FBXL17: variants seen among roughly 807,000 people sequenced by gnomAD.
FBXL17 encodes F-box/LRR-repeat protein 17.
A neutral mutation model predicts 66.2 loss-of-function variants in FBXL17; 22 were observed. That is an observed-to-expected ratio of 0.33 (90% CI 0.24 to 0.47). The LOEUF is 0.47. Among genes scored for constraint, FBXL17 ranks in the 20% least tolerant of loss-of-function variants. The probability of loss-of-function intolerance (pLI) is 1.00; values close to 1 mark genes in which losing one functional copy is unlikely to be tolerated. For missense variants in FBXL17, 878 were observed against 948.2 expected (o/e 0.93, Z 0.97); for synonymous variants, 474 against 400.5 (o/e 1.18, Z -2.19).
intron 1 of FBXL17, among the ~76,000 whole-genome samples, chr5:108,378,443 C>T (rs1309390476): frequency 6.6e-6 from 1 of 152,158 alleles, no homozygotes; most frequent in Non-Finnish European, 1.5e-5. Flanking sequence ...ACCAGGAGAA[C>T]AGGGCATAAT....
At chr5:108,269,741 T>G (rs970621692) in intron 4 of FBXL17, among the ~76,000 whole-genome samples, 1 of 152,060 alleles carries the variant, frequency 6.6e-6, no homozygotes, top group African/African-American at 2.4e-5. Context: ...CATGTATTAT[T>G]TGTCTTGGAA....
intron 7 of FBXL17, among the ~76,000 whole-genome samples, chr5:107,882,237 C>G (rs10039402): frequency 0.11 from 16,335 of 152,142 alleles, 1,037 homozygotes; most frequent in South Asian, 0.2. Flanking sequence ...TGATAGTTCC[C>G]AAAATGTGTT....
chr5:108,028,715 A>G (rs1180543540), intron 6 of FBXL17, among the ~76,000 whole-genome samples: 1 of 152,138 alleles, frequency 6.6e-6, no homozygotes, highest in East Asian at 1.9e-4. Flanking sequence ...AGATGCTGAC[A>G]AAAGGTTTCC....
chr5:108,190,385 G>C (rs1753423043), intron 5 of FBXL17, among the ~76,000 whole-genome samples: 1 of 152,162 alleles, frequency 6.6e-6, no homozygotes, highest in South Asian at 2.1e-4. Context: ...GAGAGAGACA[G>C]AGAGTCTGAG....
chr5:108,381,250 C>T lies in FBXL17; in HGVS notation c.442G>A (p.Ala148Thr). The change falls in exon 1 of 9, where the codon GCG becomes ACG. Residue 148 changes from alanine to threonine, a missense_variant. Physicochemically the swap from Ala to Thr is moderately conservative, Grantham distance 58. Coordinates refer to ENST00000542267, the MANE Select transcript of FBXL17 (RefSeq NM_001163315.3). ...CCCTGCTGCTCCCAGGCGGCGGCCG[C>T]AGCCAGCCCCAACTCTTTGCAGCAG... ...ASCCKELGLA[A>T]AAAWEQQGRS... The T allele has an allele frequency of 6.9e-7, 1 of 1,442,296 alleles. No individual in the cohort carries two copies. Among genetic ancestry groups the T allele is most frequent in the Non-Finnish European group, 9.1e-7 (1 of 1,100,036 alleles). The allele number at this position is 1,442,296 out of a possible 1,614,324, so 89.3% of individuals were successfully genotyped here. A position where few individuals can be genotyped will look rare whatever the true frequency, so the allele number is the denominator to read the frequency against.
intron 4 of FBXL17, among the ~76,000 whole-genome samples, chr5:108,342,074 T>C (rs1450487846): frequency 1.3e-5 from 2 of 152,170 alleles, no homozygotes; most frequent in African/African-American, 2.4e-5. Flanking sequence ...CCTCTCACAG[T>C]GCCTGGCACA....
At chr5:107,887,952 T>C (rs1749029805) in intron 7 of FBXL17, among the ~76,000 whole-genome samples, 1 of 152,338 alleles carries the variant, frequency 6.6e-6, no homozygotes, top group African/African-American at 2.4e-5. Flanking sequence ...AGCTAATGTG[T>C]TCTGACACTT....
chr5:108,245,670 T>A (rs192824108), intron 4 of FBXL17, among the ~76,000 whole-genome samples: 1 of 152,296 alleles, frequency 6.6e-6, no homozygotes, highest in African/African-American at 2.4e-5. Flanking sequence ...ACTTAAACTC[T>A]ACAAAGAAAA....
intron 3 of FBXL17, among the ~76,000 whole-genome samples, chr5:108,364,391 T>C (rs980147145): frequency 2.0e-5 from 3 of 151,968 alleles, no homozygotes; most frequent in African/African-American, 7.2e-5. Context: ...TCATCTAGTA[T>C]AATAAAAGGG....
At chr5:108,350,048 T>C (rs907276324) in intron 3 of FBXL17, among the ~76,000 whole-genome samples, 6 of 152,194 alleles carry the variant, frequency 3.9e-5, no homozygotes, top group South Asian at 2.1e-4. Flanking sequence ...CAGATTTTTA[T>C]TGAATTCATT....
intron 1 of FBXL17, among the ~76,000 whole-genome samples, chr5:108,371,746 T>C (rs1292786410): frequency 3.3e-5 from 5 of 152,106 alleles, no homozygotes; most frequent in Non-Finnish European, 7.4e-5. Flanking sequence ...ATAAATCAAA[T>C]AAGAATTATA....
chr5:108,381,789 C>T lies in FBXL17; in HGVS notation c.-98G>A. The T allele has an allele frequency of 7.4e-7, 1 of 1,355,362 alleles. No homozygotes were observed. Among genetic ancestry groups the T allele is most frequent in the South Asian group, 1.7e-5 (1 of 58,538 alleles). The allele number at this position is 1,355,362 out of a possible 1,614,324, so 84.0% of individuals were successfully genotyped here. On this transcript the variant is annotated 5_prime_UTR_variant, in exon 1 of 9. Transcript: ENST00000542267. ...GCAGGCCGCTCGCTGGCTCGGCCCC[C>T]GGAGGGGTCGCCCTTCCTGCGCACA...
chr5:108,186,048 G>A (rs1561453306), intron 6 of FBXL17, 69 bp downstream of exon 6: 9 of 1,274,382 alleles, frequency 7.1e-6, no homozygotes, highest in Middle Eastern at 1.9e-4. Flanking sequence ...GACATGCCTT[G>A]TTATAATAAT....
intron 8 of FBXL17, among the ~76,000 whole-genome samples, chr5:107,877,526 C>A (rs1281266515): frequency 3.9e-5 from 6 of 152,102 alleles, no homozygotes; most frequent in Admixed American, 3.9e-4. Flanking sequence ...AGTATAGCCT[C>A]CAAATTAAAT....
chr5:108,118,827 G>C (rs1181243892), intron 6 of FBXL17, among the ~76,000 whole-genome samples: 1 of 152,074 alleles, frequency 6.6e-6, no homozygotes, highest in Non-Finnish European at 1.5e-5. Context: ...GCACTTCCAA[G>C]TACACACAGT....
At chr5:107,934,860 T>C (rs1438164618) in intron 7 of FBXL17, among the ~76,000 whole-genome samples, 2 of 152,156 alleles carry the variant, frequency 1.3e-5, no homozygotes, top group Admixed American at 6.5e-5. Flanking sequence ...TACTTTAATG[T>C]ACTTTGGAAA....
chr5:108,343,855 C>A lies in FBXL17; in HGVS notation c.1506+4544G>T, dbSNP rs116535379. ...ATACAGCCCAATTCAAATTAGTAAA[C>A]TGCAGAAAGCAAATAATAGGCTTCA... On this transcript the variant is annotated intron_variant, in intron 4 of 8. Transcript: ENST00000542267. 2.9e-3 allele frequency among the ~76,000 whole-genome samples: 443 copies of A among 152,188 alleles called. 1 individual carries two copies. Among genetic ancestry groups the A allele is most frequent in the African/African-American group, 0.01 (424 of 41,536 alleles).
chr5:107,992,822 G>C (rs2112696544), intron 7 of FBXL17, among the ~76,000 whole-genome samples: 1 of 152,158 alleles, frequency 6.6e-6, no homozygotes, highest in South Asian at 2.1e-4. Flanking sequence ...ATACCAAATA[G>C]CATGTCCTAT....
intron 4 of FBXL17, among the ~76,000 whole-genome samples, chr5:108,263,105 T>C (rs1756904579): frequency 6.6e-6 from 1 of 152,130 alleles, no homozygotes; most frequent in Non-Finnish European, 1.5e-5. Context: ...ACCAATTAAT[T>C]GAGAATCTTG....
Sources: allele counts gnomAD v4.1 joint callset (sites outside exome capture counted in the v4.1 genomes callset), GRCh38; gene constraint gnomAD v4.1.1; transcripts MANE v1.5; gene names NCBI Gene and HGNC (gene_info 2026-07-23, HGNC 2026-07-21).